The following CEP128 variants were observed in gnomAD, a reference collection of about 807,000 sequenced individuals.
CEP128 encodes centrosomal protein 128kDa.
Under a neutral mutation model 156.7 loss-of-function variants are expected in CEP128, and 132 were observed. The ratio of observed to expected loss-of-function variants is 0.84; its 90% CI spans 0.73 to 0.97. The LOEUF (loss-of-function observed/expected upper bound fraction) is 0.97, where lower values mean the gene tolerates loss of function less well. Among genes scored for constraint, CEP128 ranks in the 50% least tolerant of loss-of-function variants. The pLI, the probability that CEP128 is intolerant of heterozygous loss-of-function variation, is 0.00. For synonymous variants in CEP128, 469 were observed against 448.9 expected (o/e 1.04, Z -0.57); for missense variants, 1,252 against 1,281.9 (o/e 0.98, Z 0.36).
intron 2 of CEP128, among the ~76,000 whole-genome samples, chr14:80,938,687 A>G (rs1044601512): frequency 4.6e-5 from 7 of 152,272 alleles, no homozygotes; most frequent in African/African-American, 1.7e-4. Flanking sequence ...TAAACATTAC[A>G]CCCTTAATTA....
chr14:80,632,346 G>A (rs1160962428), intron 19 of CEP128, among the ~76,000 whole-genome samples: 2 of 149,682 alleles, frequency 1.3e-5, no homozygotes, highest in South Asian at 2.1e-4. Flanking sequence ...TACCATGTTA[G>A]TGAGTTTATA....
chr14:80,918,310 CACATA>C (rs1243059622), intron 2 of CEP128, among the ~76,000 whole-genome samples: 1 of 152,136 alleles, frequency 6.6e-6, no homozygotes, highest in African/African-American at 2.4e-5. Flanking sequence ...AAATCTATGC[CACATA>C]ACATAACATC....
chr14:80,709,813 T>A (rs896803687), intron 19 of CEP128, among the ~76,000 whole-genome samples: 1 of 152,164 alleles, frequency 6.6e-6, no homozygotes, highest in Non-Finnish European at 1.5e-5. Flanking sequence ...AATAAATGAA[T>A]GGGGTCTTCT....
intron 18 of CEP128, among the ~76,000 whole-genome samples, chr14:80,751,561 A>T (rs185930625): frequency 1.2e-4 from 18 of 152,274 alleles, no homozygotes; most frequent in South Asian, 8.3e-4. Flanking sequence ...ACATAATAGG[A>T]TCATTTATTT....
chr14:80,895,795 G>GAAT lies in CEP128; in HGVS notation c.573-6_573-5insATT. 8.5e-6 allele frequency: 9 copies of GAAT among 1,058,118 alleles called. No individual in the cohort carries two copies. The highest frequency in any genetic ancestry group is 9.6e-6 in the Non-Finnish European group (8 of 832,596). The allele number at this position is 1,058,118 out of a possible 1,614,324, so 65.5% of individuals were successfully genotyped here. ...CTTTTTGTTTCGGCATCTGACCTAG[G>GAAT]AAGAAAAAAAAAAAAAAGATTTAAA... On this transcript the variant is annotated splice_region_variant and splice_polypyrimidine_tract_variant and intron_variant, in intron 7 of 24. Transcript: ENST00000555265.
chr14:80,559,189 C>T (rs1288892795), intron 21 of CEP128, 90 bp downstream of exon 21: 1 of 1,163,200 alleles, frequency 8.6e-7, no homozygotes, highest in African/African-American at 1.6e-5. Context: ...GAAATGATTT[C>T]TGAAACTGTT....
At chr14:80,569,242 C>G (rs1348160614) in intron 20 of CEP128, among the ~76,000 whole-genome samples, 1 of 152,116 alleles carries the variant, frequency 6.6e-6, no homozygotes, top group Non-Finnish European at 1.5e-5. Context: ...CAAATAATTC[C>G]TTACCCAAAT....
intron 16 of CEP128, among the ~76,000 whole-genome samples, chr14:80,763,307 T>C (rs1177754579): frequency 3.3e-5 from 5 of 152,204 alleles, no homozygotes; most frequent in African/African-American, 7.2e-5. Flanking sequence ...TTTTTCCACA[T>C]TGAGTTTCTG....
intron 19 of CEP128, among the ~76,000 whole-genome samples, chr14:80,721,497 A>G (rs1052264024): frequency 1.3e-4 from 20 of 152,320 alleles, no homozygotes; most frequent in African/African-American, 4.8e-4. Flanking sequence ...AAAATATGTC[A>G]ATAATTTTTC....
At chr14:80,845,260 C>T (rs1886540918) in intron 9 of CEP128, among the ~76,000 whole-genome samples, 1 of 152,084 alleles carries the variant, frequency 6.6e-6, no homozygotes, top group South Asian at 2.1e-4. Flanking sequence ...AATTCAAAAG[C>T]AACAATGGTA....
At chr14:80,902,637 A>C (rs530045012) in intron 6 of CEP128, among the ~76,000 whole-genome samples, 1 of 152,192 alleles carries the variant, frequency 6.6e-6, no homozygotes, top group Non-Finnish European at 1.5e-5. Context: ...ACTTTAAAGA[A>C]GCAGAAAAAG....
At chr14:80,731,297 C>A (rs1348640331) in intron 19 of CEP128, among the ~76,000 whole-genome samples, 1 of 152,182 alleles carries the variant, frequency 6.6e-6, no homozygotes, top group Non-Finnish European at 1.5e-5. Context: ...AACTGCCTGT[C>A]AATCCTGGAG....
chr14:80,598,420 G>C (rs746672212), intron 19 of CEP128, among the ~76,000 whole-genome samples: 1 of 152,076 alleles, frequency 6.6e-6, no homozygotes, highest in Non-Finnish European at 1.5e-5. Context: ...AACAAAACAT[G>C]TAAAGAATTT....
At chr14:80,906,661 C>A (rs982073206) in intron 4 of CEP128, among the ~76,000 whole-genome samples, 7 of 152,138 alleles carry the variant, frequency 4.6e-5, no homozygotes, top group African/African-American at 1.7e-4. Context: ...TGTCCAAATG[C>A]TTTATTCAGT....
intron 19 of CEP128, among the ~76,000 whole-genome samples, chr14:80,739,374 C>T (rs995998023): frequency 6.6e-6 from 1 of 152,096 alleles, no homozygotes. Context: ...GAAGAAATCC[C>T]TAACTCTTTT....
At chr14:80,625,050 T>C (rs1272630738) in intron 19 of CEP128, among the ~76,000 whole-genome samples, 1 of 152,186 alleles carries the variant, frequency 6.6e-6, no homozygotes, top group Non-Finnish European at 1.5e-5. Flanking sequence ...AATTTTATAG[T>C]TTCAGGCCTT....
At position 80,900,034 on chromosome 14, in the gene CEP128, C is replaced by T. The variant is rs1555361290; in HGVS notation, c.481-5G>A. The T allele has an allele frequency of 6.3e-7, 1 of 1,596,534 alleles. No homozygotes were observed. On this transcript the variant is annotated splice_region_variant and splice_polypyrimidine_tract_variant and intron_variant, in intron 6 of 24. Transcript: ENST00000555265. ...AGACTGATGAAAACCATGAAGCTAG[C>T]AAAGGCAAAACACAGTTATCCATTT...
chr14:80,497,977 T>C (rs1295698271), intron 24 of CEP128, among the ~76,000 whole-genome samples: 3 of 152,222 alleles, frequency 2.0e-5, no homozygotes, highest in Non-Finnish European at 4.4e-5. Flanking sequence ...CTATTGAAAG[T>C]AGACCTGGAG....
At chr14:80,600,972 TGAA>T (rs1287116437) in intron 19 of CEP128, among the ~76,000 whole-genome samples, 1 of 148,894 alleles carries the variant, frequency 6.7e-6, no homozygotes, top group African/African-American at 2.5e-5. Context: ...AGAAGAAAAC[TGAA>T]GAATATACAT....
Sources: gnomAD v4.1 joint callset for allele counts (sites outside exome capture counted in the v4.1 genomes callset) on GRCh38, gnomAD v4.1.1 for gene constraint, MANE v1.5 for transcripts, NCBI Gene and HGNC (gene_info 2026-07-23, HGNC 2026-07-21) for gene names.